Variants in CD48 observed in about 807,000 individuals in gnomAD.
CD48 encodes CD48 molecule.
CD48 carries 20 observed loss-of-function variants against 22.0 expected under a neutral mutation model. That is an observed-to-expected ratio of 0.91 (90% CI 0.64 to 1.32). CD48 has a LOEUF of 1.32. CD48 is among the 40% of genes most tolerant of loss of function. CD48 has a pLI of 0.00. For synonymous variants in CD48, 110 were observed against 110.1 expected, an observed-to-expected ratio of 1.00 and a Z score of 0.01; for missense variants, 307 against 286.5, an observed-to-expected ratio of 1.07 and a Z score of -0.52.
At chr1:160,684,286 GAATCTTACCT>G (rs1390368812) in intron 2 of CD48, 1 of 153,714 alleles carries the variant, frequency 6.5e-6, no homozygotes, top group Non-Finnish European at 1.4e-5. Context: ...GCTATCAAAA[GAATCTTACCT>G]AATATGGGCA....
intron 1 of CD48, among the ~76,000 whole-genome samples, chr1:160,689,597 G>A (rs1038229292): frequency 6.6e-6 from 1 of 152,134 alleles, no homozygotes; most frequent in African/African-American, 2.4e-5. Flanking sequence ...AGGAGAAGTG[G>A]GATTAGTTAG....
At chr1:160,707,913 G>T (rs1369631724) in intron 1 of CD48, among the ~76,000 whole-genome samples, 1 of 152,094 alleles carries the variant, frequency 6.6e-6, no homozygotes, top group Non-Finnish European at 1.5e-5. Flanking sequence ...GTTACTATGT[G>T]CTTGGCTCTG....
At chr1:160,699,011 T>G (rs1276678653) in intron 1 of CD48, 1 of 153,268 alleles carries the variant, frequency 6.5e-6, no homozygotes, top group East Asian at 1.9e-4. Context: ...CGGGCCATGA[T>G]GACGATGGCG....
chr1:160,679,997 A>G (rs1661734913), intron 3 of CD48, among the ~76,000 whole-genome samples: 1 of 152,212 alleles, frequency 6.6e-6, no homozygotes, highest in Admixed American at 6.5e-5. Flanking sequence ...GACAGGGCCA[A>G]TTAGTTAGGA....
intron 1 of CD48, among the ~76,000 whole-genome samples, chr1:160,708,222 G>A (rs1429974256): frequency 6.6e-6 from 1 of 152,172 alleles, no homozygotes; most frequent in East Asian, 1.9e-4. Flanking sequence ...AAATTCATTT[G>A]CGGAGTAGGA....
At chr1:160,686,319 T>C (rs1234453691) in intron 1 of CD48, among the ~76,000 whole-genome samples, 1 of 152,190 alleles carries the variant, frequency 6.6e-6, no homozygotes, top group Non-Finnish European at 1.5e-5. Context: ...AGGCTGCTTC[T>C]GAGGCCATCA....
At chr1:160,689,178 T>A (rs1005505953) in intron 1 of CD48, among the ~76,000 whole-genome samples, 6 of 152,188 alleles carry the variant, frequency 3.9e-5, no homozygotes, top group Non-Finnish European at 7.4e-5. Context: ...TCTAGGTGGA[T>A]GCAACCAGGT....
chr1:160,702,282 AC>A (rs1410826804), intron 1 of CD48, among the ~76,000 whole-genome samples: 2 of 151,936 alleles, frequency 1.3e-5, no homozygotes, highest in Non-Finnish European at 2.9e-5. Flanking sequence ...GAGATCAACC[AC>A]CCCGCCTCCT....
intron 1 of CD48, among the ~76,000 whole-genome samples, chr1:160,693,639 G>GA (rs1662306802): frequency 6.6e-6 from 1 of 152,282 alleles, no homozygotes; most frequent in African/African-American, 2.4e-5. Context: ...TTATGTCCAA[G>GA]ATGTAAAAAA....
chr1:160,690,767 A>G (rs1662180718), intron 1 of CD48, among the ~76,000 whole-genome samples: 1 of 152,220 alleles, frequency 6.6e-6, no homozygotes, highest in African/African-American at 2.4e-5. Flanking sequence ...CATGTACAAC[A>G]TAAGCGGAAT....
At chr1:160,706,157 C>A (rs1662787496) in intron 1 of CD48, among the ~76,000 whole-genome samples, 1 of 152,056 alleles carries the variant, frequency 6.6e-6, no homozygotes, top group African/African-American at 2.4e-5. Context: ...TCACTGCAAC[C>A]TCCACCCCCC....
chr1:160,699,786 TA>T (rs1330225359), intron 1 of CD48: 1 of 151,816 alleles, frequency 6.6e-6, no homozygotes, highest in Non-Finnish European at 1.5e-5. Flanking sequence ...CTCTCCCCAC[TA>T]TTGTCTTGTG....
intron 1 of CD48, among the ~76,000 whole-genome samples, chr1:160,703,136 A>G (rs933320429): frequency 1.3e-5 from 2 of 152,180 alleles, no homozygotes; most frequent in African/African-American, 4.8e-5. Context: ...GCTGAGCCTG[A>G]GTAATTAGAA....
intron 1 of CD48, among the ~76,000 whole-genome samples, chr1:160,697,732 T>C (rs555969505): frequency 6.6e-6 from 1 of 152,254 alleles, no homozygotes; most frequent in African/African-American, 2.4e-5. Flanking sequence ...GGGAAGAATG[T>C]GTGGCCAATA....
At chr1:160,708,868 A>G (rs901990347) in intron 1 of CD48, among the ~76,000 whole-genome samples, 1 of 152,166 alleles carries the variant, frequency 6.6e-6, no homozygotes, top group African/African-American at 2.4e-5. Context: ...CTGCAAAGCT[A>G]GCTTAGAAAA....
chr1:160,700,558 G>A (rs1047985782), intron 1 of CD48, among the ~76,000 whole-genome samples: 6 of 152,122 alleles, frequency 3.9e-5, no homozygotes, highest in Admixed American at 6.5e-5. Context: ...AAGCTGAAAA[G>A]GCTGAAATGG....
intron 1 of CD48, among the ~76,000 whole-genome samples, chr1:160,695,209 G>A (rs1662370524): frequency 6.6e-6 from 1 of 152,286 alleles, no homozygotes; most frequent in African/African-American, 2.4e-5. Flanking sequence ...GTTACCTCAG[G>A]GAATGCTTAA....
intron 1 of CD48, 136 bp from the exon 2 acceptor site, chr1:160,685,325 G>A: frequency 3.0e-6 from 2 of 661,966 alleles, no homozygotes; most frequent in African/African-American, 1.8e-5. Flanking sequence ...GGTTTTCACT[G>A]GAGGTCCAGG....
intron 1 of CD48, chr1:160,686,478 T>C (rs781061065): frequency 1.3e-5 from 2 of 152,280 alleles, no homozygotes; most frequent in Non-Finnish European, 1.5e-5. Flanking sequence ...CAAAGGGTGA[T>C]TAAAAGCTAA....
Sources: gnomAD v4.1 joint callset for allele counts (sites outside exome capture counted in the v4.1 genomes callset) on GRCh38, gnomAD v4.1.1 for gene constraint, MANE v1.5 for transcripts, NCBI Gene and HGNC (gene_info 2026-07-23, HGNC 2026-07-21) for gene names.